The following SPAG16 variants were observed in gnomAD, a reference collection of about 807,000 sequenced individuals.
SPAG16 encodes the protein sperm-associated antigen 16 protein.
In SPAG16, 86 loss-of-function variants were observed where a neutral mutation model predicts 80.4. The ratio of observed to expected loss-of-function variants is 1.07; its 90% CI spans 0.90 to 1.28. The LOEUF (loss-of-function observed/expected upper bound fraction) is 1.28, where lower values mean the gene tolerates loss of function less well. SPAG16 is among the 50% of genes most tolerant of loss of function. The probability of loss-of-function intolerance (pLI) is 0.00; values close to 1 mark genes in which losing one functional copy is unlikely to be tolerated. For synonymous variants in SPAG16, 294 were observed against 265.9 expected, an observed-to-expected ratio of 1.11 and a Z score of -1.03; for missense variants, 870 against 765.3, an observed-to-expected ratio of 1.14 and a Z score of -1.61.
chr2:214,364,823 C>T (rs1257253534), intron 15 of SPAG16, among the ~76,000 whole-genome samples: 1 of 152,048 alleles, frequency 6.6e-6, no homozygotes, highest in East Asian at 1.9e-4. Flanking sequence ...CAGATAAATG[C>T]ATTCCTTTTT....
chr2:214,219,271 T>G (rs144721708), intron 15 of SPAG16, among the ~76,000 whole-genome samples: 3,332 of 152,266 alleles, frequency 0.022, 76 homozygotes, highest in African/African-American at 0.056. Context: ...AGAAATCTTT[T>G]GTTAAATCTA....
chr2:214,280,723 G>C, intron 15 of SPAG16: 1 of 370,602 alleles, frequency 2.7e-6, no homozygotes, highest in Non-Finnish European at 5.2e-6. Context: ...GGACATTTTG[G>C]GATGGTTCTA....
chr2:214,357,049 C>A (rs912055067), intron 15 of SPAG16, among the ~76,000 whole-genome samples: 6 of 151,682 alleles, frequency 4.0e-5, no homozygotes, highest in Admixed American at 4.0e-4. Context: ...TTGAAGACAT[C>A]CTTCTGTCTC....
At chr2:213,692,741 C>G (rs1156645199) in intron 10 of SPAG16, among the ~76,000 whole-genome samples, 2 of 148,954 alleles carry the variant, frequency 1.3e-5, no homozygotes, top group Non-Finnish European at 3.0e-5. Flanking sequence ...ACCCGGGAGG[C>G]GGAGCTTGCA....
rs2125098265 is a variant in SPAG16 at position 213,359,571 on chromosome 2, C to A, written c.763-4505C>A. Among the ~76,000 whole-genome samples, 3 of 152,334 alleles carry A rather than the reference C, an allele frequency of 2.0e-5. No homozygotes were observed. In the Middle Eastern group the frequency reaches 0.01, roughly 518 times the overall value. On this transcript the variant is annotated intron_variant, in intron 7 of 15. Coordinates refer to ENST00000331683, the MANE Select transcript of SPAG16 (RefSeq NM_024532.5). ...TGAGCAAGGCTCTGTGGGCGTCGGA[C>A]CTGCTGAGCCAGGCACGGGAGAAAA...
chr2:213,624,846 A>G (rs544857837), intron 10 of SPAG16, among the ~76,000 whole-genome samples: 1 of 152,256 alleles, frequency 6.6e-6, no homozygotes, highest in African/African-American at 2.4e-5. Context: ...GCTGGAGTGC[A>G]ATGGCGTGAT....
intron 10 of SPAG16, among the ~76,000 whole-genome samples, chr2:213,559,042 G>T (rs2059520626): frequency 6.6e-6 from 1 of 151,870 alleles, no homozygotes; most frequent in South Asian, 2.1e-4. Context: ...TAATACCTAG[G>T]CCTCATTCAA....
intron 14 of SPAG16, among the ~76,000 whole-genome samples, chr2:214,141,986 A>G (rs1214585709): frequency 6.6e-6 from 1 of 152,118 alleles, no homozygotes; most frequent in Non-Finnish European, 1.5e-5. Context: ...CTGTCTTTAC[A>G]TTATCTTCTT....
intron 3 of SPAG16, among the ~76,000 whole-genome samples, chr2:213,307,739 T>C (rs2063010729): frequency 6.6e-6 from 1 of 152,070 alleles, no homozygotes; most frequent in African/African-American, 2.4e-5. Context: ...TTTCTAGTTC[T>C]AGATCCCTGA....
intron 5 of SPAG16, 62 bp from the exon 6 acceptor site, chr2:213,340,101 G>A (rs2064598765): frequency 4.7e-6 from 5 of 1,063,130 alleles, no homozygotes; most frequent in African/African-American, 1.6e-5. Flanking sequence ...TTGAACTCAA[G>A]ACTAAATAAT....
intron 15 of SPAG16, among the ~76,000 whole-genome samples, chr2:214,359,737 A>C (rs1337536621): frequency 2.0e-5 from 3 of 151,894 alleles, no homozygotes; most frequent in Non-Finnish European, 4.4e-5. Context: ...CCTATATATC[A>C]GTAAAGAATT....
At chr2:213,527,898 T>C (rs2075944908) in intron 10 of SPAG16, among the ~76,000 whole-genome samples, 1 of 151,760 alleles carries the variant, frequency 6.6e-6, no homozygotes, top group Non-Finnish European at 1.5e-5. Context: ...GAAATAAAAA[T>C]TAAACTAGTA....
At chr2:214,036,380 C>T (rs1199495419) in intron 13 of SPAG16, among the ~76,000 whole-genome samples, 2 of 152,146 alleles carry the variant, frequency 1.3e-5, no homozygotes, top group African/African-American at 4.8e-5. Flanking sequence ...TGGTTCCTTT[C>T]AGTACAGAAT....
chr2:213,298,729 ATTC>A (rs2062606774), intron 3 of SPAG16, among the ~76,000 whole-genome samples: 1 of 152,220 alleles, frequency 6.6e-6, no homozygotes, highest in Admixed American at 6.5e-5. Flanking sequence ...AATATCAGTA[ATTC>A]TTCTTTTATC....
At chr2:213,809,293 C>A (rs1298069699) in intron 10 of SPAG16, among the ~76,000 whole-genome samples, 1 of 152,084 alleles carries the variant, frequency 6.6e-6, no homozygotes, top group African/African-American at 2.4e-5. Context: ...CTGAGAGATT[C>A]TCTGATTCAC....
At chr2:213,582,589 G>A (rs1246714926) in intron 10 of SPAG16, among the ~76,000 whole-genome samples, 2 of 152,126 alleles carry the variant, frequency 1.3e-5, no homozygotes, top group Admixed American at 1.3e-4. Context: ...TTCAGTTTAA[G>A]TTATTTTTTG....
chr2:213,447,361 C>T (rs372907495), intron 9 of SPAG16, among the ~76,000 whole-genome samples: 38 of 152,308 alleles, frequency 2.5e-4, no homozygotes, highest in African/African-American at 7.5e-4. Context: ...AACTGGCTAT[C>T]GCCATGTCCA....
At chr2:213,370,130 A>G (rs773524062) in intron 8 of SPAG16, among the ~76,000 whole-genome samples, 1 of 152,220 alleles carries the variant, frequency 6.6e-6, no homozygotes, top group Non-Finnish European at 1.5e-5. Context: ...CTAAGGGACT[A>G]TGCACAAGGA....
intron 10 of SPAG16, among the ~76,000 whole-genome samples, chr2:213,599,663 G>A (rs963134095): frequency 1.3e-5 from 2 of 152,082 alleles, no homozygotes; most frequent in African/African-American, 2.4e-5. Flanking sequence ...CTTCTTGTCC[G>A]CAAGAAGGCT....
Sources: gnomAD v4.1 joint callset for allele counts (sites outside exome capture counted in the v4.1 genomes callset) on GRCh38, gnomAD v4.1.1 for gene constraint, MANE v1.5 for transcripts, NCBI Gene and HGNC (gene_info 2026-07-23, HGNC 2026-07-21) for gene names.